METAP2: variants seen among roughly 807,000 people sequenced by gnomAD.
METAP2 encodes methionyl aminopeptidase 2.
Under a neutral mutation model 59.4 loss-of-function variants are expected in METAP2, and 25 were observed. The observed-to-expected ratio is 0.42, with a 90% confidence interval of 0.31 to 0.59. The LOEUF (loss-of-function observed/expected upper bound fraction) is 0.59. Among genes scored for constraint, METAP2 ranks in the 20% least tolerant of loss-of-function variants. The pLI, the probability that METAP2 is intolerant of heterozygous loss-of-function variation, is 0.16. For synonymous variants in METAP2, 214 were observed against 194.1 expected (o/e 1.10, Z -0.85); for missense variants, 366 against 581.2 (o/e 0.63, Z 3.81).
intron 7 of METAP2, 143 bp from the exon 8 acceptor site, chr12:95,503,915 CCCATAAT>C: frequency 1.6e-6 from 1 of 612,352 alleles, no homozygotes; most frequent in Admixed American, 3.0e-5. Context: ...TCACTATCCT[CCCATAAT>C]CCTCTGCAAA....
At chr12:95,490,110 T>G (rs575379003) in intron 4 of METAP2, among the ~76,000 whole-genome samples, 6 of 151,626 alleles carry the variant, frequency 4.0e-5, no homozygotes, top group African/African-American at 1.4e-4. Flanking sequence ...TTTCTTTTTT[T>G]TTTTGTTTTG....
At position 95,514,005 on chromosome 12, in the gene METAP2, C is replaced by G; in HGVS notation, c.*101C>G. The G allele has an allele frequency of 7.8e-7, 1 of 1,282,592 alleles. No homozygotes were observed. The highest frequency in any genetic ancestry group is 2.4e-5 in the East Asian group (1 of 41,894). 79.5% of individuals were successfully genotyped at this position (1,282,592 alleles called of 1,614,324 possible). A position where few individuals can be genotyped will look rare whatever the true frequency, so the allele number is the denominator to read the frequency against. On this transcript the variant is annotated 3_prime_UTR_variant, in exon 11 of 11. Coordinates refer to ENST00000323666, the MANE Select transcript of METAP2 (RefSeq NM_006838.4). ...ACATGTTGTCTGTTTTAACAGTGGA[C>G]CCATGTAATACTTTTATCCATGTTT...
intron 4 of METAP2, among the ~76,000 whole-genome samples, chr12:95,493,855 T>C (rs2076257200): frequency 6.6e-6 from 1 of 152,256 alleles, no homozygotes; most frequent in South Asian, 2.1e-4. Context: ...TTTTTTTCCC[T>C]CCCTTAGAGT....
In METAP2 at chr12:95,514,778, A is replaced by C. The variant is rs2076433746; in HGVS notation, c.*874A>C. On this transcript the variant is annotated 3_prime_UTR_variant, in exon 11 of 11. Transcript: ENST00000323666. ...CCACAAAAGCAAAGAAGAAAAAAAAAAACTTCCCATGTTTGGATCTTGTTC... is the reference window on the plus strand; with the variant it reads ...CCACAAAAGCAAAGAAGAAAAAAAACAACTTCCCATGTTTGGATCTTGTTC... 2 of 152,202 alleles carry C rather than the reference A, an allele frequency of 1.3e-5. No homozygotes were observed. Among genetic ancestry groups the C allele is most frequent in the Admixed American group, 6.5e-5 (1 of 15,278 alleles). 9.4% of individuals were successfully genotyped at this position (152,202 alleles called of 1,614,324 possible).
chr12:95,484,876 AC>A (rs1286145177), intron 3 of METAP2: 1 of 455,598 alleles, frequency 2.2e-6, no homozygotes, highest in South Asian at 1.6e-5. Context: ...CATTTCAGGT[AC>A]TATTCTATGT....
rs771481518 is a variant in METAP2, at chr12:95,485,864, A to C, written c.326-15A>C. On this transcript the variant is annotated splice_polypyrimidine_tract_variant and intron_variant, in intron 3 of 10. Transcript: ENST00000323666. ...TTTTAACTACAGAAGTTAATGCTTT[A>C]TTTGTATCTCACAGCAAAAGTTCAA... 19 of 1,478,852 alleles carry C rather than the reference A, an allele frequency of 1.3e-5. No individual in the cohort carries two copies. The highest frequency in any genetic ancestry group is 1.6e-5 in the Non-Finnish European group (17 of 1,094,164). The allele number at this position is 1,478,852 out of a possible 1,614,324, so 91.6% of individuals were successfully genotyped here. A position where few individuals can be genotyped will look rare whatever the true frequency, so the allele number is the denominator to read the frequency against.
At chr12:95,496,916 C>G (rs1322929516) in intron 7 of METAP2, among the ~76,000 whole-genome samples, 1 of 149,298 alleles carries the variant, frequency 6.7e-6, no homozygotes, top group Non-Finnish European at 1.5e-5. Flanking sequence ...CTTCTGCCTC[C>G]TGGTCTCAAG....
At chr12:95,489,123 C>T (rs578223377) in intron 4 of METAP2, among the ~76,000 whole-genome samples, 1 of 151,964 alleles carries the variant, frequency 6.6e-6, no homozygotes, top group Non-Finnish European at 1.5e-5. Context: ...ATTTCAATCC[C>T]GTTTCTGTTT....
chr12:95,483,244 GGAAAGAAGAAGA>G lies in METAP2; in HGVS notation c.290_301del (p.Gly97_Lys101delinsGlu). The G allele has an allele frequency of 6.2e-7, 1 of 1,612,882 alleles. No homozygotes were observed. Among genetic ancestry groups the G allele is most frequent in the Non-Finnish European group, 8.5e-7 (1 of 1,178,932 alleles). Reference sequence around the variant, plus strand: ...AGATGGCGATGGAGATGGAGCAACTGGAAAGAAGAAGAAAAAGAAGAAGAAGAAGAGAGGACG... The same window carrying G: ...AGATGGCGATGGAGATGGAGCAACTGAAAAGAAGAAGAAGAAGAGAGGACG... On this transcript the variant is annotated inframe_deletion, in exon 3 of 11. Coordinates refer to ENST00000323666, the MANE Select transcript of METAP2 (RefSeq NM_006838.4).
chr12:95,489,180 C>G (rs1326807883), intron 4 of METAP2, among the ~76,000 whole-genome samples: 1 of 152,090 alleles, frequency 6.6e-6, no homozygotes, highest in Non-Finnish European at 1.5e-5. Flanking sequence ...ATTTCTTATA[C>G]TTGTTAACAG....
At chr12:95,500,676 A>G (rs1413970291) in intron 7 of METAP2, among the ~76,000 whole-genome samples, 2 of 152,132 alleles carry the variant, frequency 1.3e-5, no homozygotes, top group East Asian at 1.9e-4. Flanking sequence ...GTTAATGTGT[A>G]TTATTAGATT....
chr12:95,503,064 G>C (rs578134440), intron 7 of METAP2, among the ~76,000 whole-genome samples: 2 of 150,944 alleles, frequency 1.3e-5, no homozygotes, highest in Non-Finnish European at 2.9e-5. Flanking sequence ...TTTTTTCAGG[G>C]ATAGTTTCTG....
chr12:95,508,245 A>T (rs2076377081), intron 8 of METAP2, among the ~76,000 whole-genome samples: 1 of 152,180 alleles, frequency 6.6e-6, no homozygotes, highest in Non-Finnish European at 1.5e-5. Context: ...AGATTTTTAA[A>T]GGCTAGAATT....
intron 7 of METAP2, among the ~76,000 whole-genome samples, chr12:95,499,773 C>T (rs1240978136): frequency 6.6e-6 from 1 of 152,024 alleles, no homozygotes; most frequent in Non-Finnish European, 1.5e-5. Flanking sequence ...TTTAATTATC[C>T]ACAGTTCCAC....
At chr12:95,487,752 G>T (rs1485108805) in intron 4 of METAP2, among the ~76,000 whole-genome samples, 1 of 151,996 alleles carries the variant, frequency 6.6e-6, no homozygotes, top group Non-Finnish European at 1.5e-5. Flanking sequence ...TACAAAAATG[G>T]AATCATAGGC....
At chr12:95,507,191 TTTC>T (rs1463421834) in intron 8 of METAP2, among the ~76,000 whole-genome samples, 1 of 152,156 alleles carries the variant, frequency 6.6e-6, no homozygotes, top group Non-Finnish European at 1.5e-5. Context: ...AATACCCAAG[TTTC>T]TTGACTGTAG....
At position 95,485,875 on chromosome 12, in the gene METAP2, A is replaced by G. The variant is rs2076192781; in HGVS notation, c.326-4A>G. On this transcript the variant is annotated splice_polypyrimidine_tract_variant and splice_region_variant and intron_variant, in intron 3 of 10. Transcript: ENST00000323666. Reference sequence around the variant, plus strand: ...GAAGTTAATGCTTTATTTGTATCTCACAGCAAAAGTTCAAACAGACCCTCC... The same window carrying G: ...GAAGTTAATGCTTTATTTGTATCTCGCAGCAAAAGTTCAAACAGACCCTCC... 1.3e-6 allele frequency: 2 copies of G among 1,527,878 alleles called. No individual in the cohort carries two copies. The highest frequency in any genetic ancestry group is 8.8e-7 in the Non-Finnish European group (1 of 1,137,208). The allele number at this position is 1,527,878 out of a possible 1,614,324, so 94.6% of individuals were successfully genotyped here.
At chr12:95,479,240 A>T (rs1170542254) in intron 2 of METAP2, among the ~76,000 whole-genome samples, 1 of 152,202 alleles carries the variant, frequency 6.6e-6, no homozygotes, top group Non-Finnish European at 1.5e-5. Context: ...TGATAGTCAT[A>T]AATAGGCATG....
chr12:95,497,972 CAA>C (rs561899877), intron 7 of METAP2, among the ~76,000 whole-genome samples: 1 of 141,362 alleles, frequency 7.1e-6, no homozygotes. Flanking sequence ...CTAAAAATAC[CAA>C]AAAAAAAAAA....
Sources: allele counts gnomAD v4.1 joint callset (sites outside exome capture counted in the v4.1 genomes callset), GRCh38; gene constraint gnomAD v4.1.1; transcripts MANE v1.5; gene names NCBI Gene and HGNC (gene_info 2026-07-23, HGNC 2026-07-21).